CCDC167: variants seen among roughly 807,000 people sequenced by gnomAD.
The protein encoded by CCDC167 is coiled-coil domain containing 167.
A neutral mutation model predicts 12.7 loss-of-function variants in CCDC167; 15 were observed. That is an observed-to-expected ratio of 1.18 (90% CI 0.79 to 1.81). CCDC167 has a LOEUF of 1.81. CCDC167 is among the 40% of genes most tolerant of loss of function. The pLI is 0.00. For missense variants in CCDC167, 121 were observed against 120.1 expected (o/e 1.01, Z -0.03); for synonymous variants, 52 against 49.0 (o/e 1.06, Z -0.26).
At chr6:37,493,418 T>C (rs1290487222) in intron 1 of CCDC167, among the ~76,000 whole-genome samples, 3 of 152,222 alleles carry the variant, frequency 2.0e-5, no homozygotes, top group Non-Finnish European at 4.4e-5. Flanking sequence ...CCGAGCCTTA[T>C]GAATTCATTA....
Position 37,485,195 on chromosome 6 carries a change from C to T in CCDC167, c.43-1G>A. Reference sequence around the variant, plus strand: ...ACAGCTTCTCCTCTAGCCCATCGATCTGAAACAAAGGCCACAGAGAGGTGG... The same window carrying T: ...ACAGCTTCTCCTCTAGCCCATCGATTTGAAACAAAGGCCACAGAGAGGTGG... On this transcript the variant is annotated splice_acceptor_variant, in intron 1 of 3. Coordinates refer to ENST00000373408, the MANE Select transcript of CCDC167 (RefSeq NM_138493.3). LOFTEE classifies it high-confidence loss of function. 1 of 1,612,352 alleles carries T rather than the reference C, an allele frequency of 6.2e-7. No individual in the cohort carries two copies. The highest frequency in any genetic ancestry group is 8.5e-7 in the Non-Finnish European group (1 of 1,179,420).
intron 1 of CCDC167, among the ~76,000 whole-genome samples, chr6:37,495,022 A>G (rs1457691177): frequency 6.6e-6 from 1 of 151,518 alleles, no homozygotes; most frequent in African/African-American, 2.4e-5. Flanking sequence ...CTGGTCTCGA[A>G]CTCCTGACCT....
chr6:37,487,813 A>G (rs1761967602), intron 1 of CCDC167, among the ~76,000 whole-genome samples: 1 of 152,252 alleles, frequency 6.6e-6, no homozygotes, highest in African/African-American at 2.4e-5. Flanking sequence ...TATCTGAACA[A>G]GCCCAATTTA....
chr6:37,492,282 C>T (rs976744966), intron 1 of CCDC167, among the ~76,000 whole-genome samples: 4 of 152,198 alleles, frequency 2.6e-5, no homozygotes, highest in Non-Finnish European at 4.4e-5. Flanking sequence ...AGTCATTCCA[C>T]ATCCCAGCTG....
intron 2 of CCDC167, 67 bp from the exon 3 acceptor site, chr6:37,484,929 A>C: frequency 1.3e-6 from 2 of 1,598,386 alleles, no homozygotes; most frequent in Non-Finnish European, 1.7e-6. Context: ...GGCAGCTGGC[A>C]TGCCAGTTGG....
intron 1 of CCDC167, among the ~76,000 whole-genome samples, chr6:37,498,500 G>GGT (rs1227524741): frequency 6.8e-6 from 1 of 147,066 alleles, no homozygotes; most frequent in Admixed American, 7.1e-5. Context: ...ATCACCATGG[G>GGT]GTGTGTGTGG....
chr6:37,487,832 T>C (rs1227868668), intron 1 of CCDC167, among the ~76,000 whole-genome samples: 2 of 152,262 alleles, frequency 1.3e-5, no homozygotes, highest in African/African-American at 4.8e-5. Flanking sequence ...TATCTGCAGT[T>C]CCACTGAATA....
chr6:37,497,881 TA>T (rs1434377117), intron 1 of CCDC167, among the ~76,000 whole-genome samples: 2 of 151,016 alleles, frequency 1.3e-5, no homozygotes, highest in African/African-American at 2.4e-5. Context: ...GAAATACCAA[TA>T]AAAAACATGA....
intron 1 of CCDC167, among the ~76,000 whole-genome samples, chr6:37,488,276 T>G (rs1461789356): frequency 6.6e-6 from 1 of 152,136 alleles, no homozygotes; most frequent in African/African-American, 2.4e-5. Context: ...GAGTGGTGGC[T>G]ACAGAGCAGA....
chr6:37,498,559 T>C (rs1207461924), intron 1 of CCDC167, among the ~76,000 whole-genome samples: 3 of 150,710 alleles, frequency 2.0e-5, no homozygotes, highest in African/African-American at 7.3e-5. Flanking sequence ...TGGTGGCTCA[T>C]GCCTGTAATC....
chr6:37,494,925 G>A (rs1391756757), intron 1 of CCDC167, among the ~76,000 whole-genome samples: 5 of 149,002 alleles, frequency 3.4e-5, no homozygotes, highest in African/African-American at 5.0e-5. Flanking sequence ...TCAGCCTCCC[G>A]AGTAGCTGGG....
In CCDC167 at chr6:37,483,124, C is replaced by A; in HGVS notation, c.*62G>T. On this transcript the variant is annotated 3_prime_UTR_variant, in exon 4 of 4. Coordinates refer to ENST00000373408, the MANE Select transcript of CCDC167 (RefSeq NM_138493.3). Reference sequence around the variant, plus strand: ...TTGGTCCTATTGAGGCTTGAAGTGCCTGCTTGATCCTGATCAAGGGGCCAA... The same window carrying A: ...TTGGTCCTATTGAGGCTTGAAGTGCATGCTTGATCCTGATCAAGGGGCCAA... 1 of 1,297,036 alleles carries A rather than the reference C, an allele frequency of 7.7e-7. No homozygotes were observed. The highest frequency in any genetic ancestry group is 1.2e-5 in the South Asian group (1 of 84,502). The allele number at this position is 1,297,036 out of a possible 1,614,324, so 80.3% of individuals were successfully genotyped here.
chr6:37,483,160 G>T lies in CCDC167; in HGVS notation c.*26C>A. On this transcript the variant is annotated 3_prime_UTR_variant, in exon 4 of 4. Coordinates refer to ENST00000373408, the MANE Select transcript of CCDC167 (RefSeq NM_138493.3). ...TGATCAAGGGGCCAAGTGGAAGCCT[G>T]TGCTGGTTGTGGGGAAGTGCCAGGC... The T allele has an allele frequency of 1.3e-6, 2 of 1,566,210 alleles. No homozygotes were observed. Among genetic ancestry groups the T allele is most frequent in the Non-Finnish European group, 1.8e-6 (2 of 1,136,344 alleles).
intron 1 of CCDC167, among the ~76,000 whole-genome samples, chr6:37,486,460 C>A (rs1217900115): frequency 6.6e-6 from 1 of 152,176 alleles, no homozygotes; most frequent in Non-Finnish European, 1.5e-5. Flanking sequence ...CATTCCAAGT[C>A]TCTGGGCCTT....
chr6:37,496,959 T>G (rs915940377), intron 1 of CCDC167, among the ~76,000 whole-genome samples: 5 of 152,174 alleles, frequency 3.3e-5, no homozygotes, highest in African/African-American at 1.2e-4. Flanking sequence ...GGTGGACACA[T>G]CAGTGGGGTA....
At chr6:37,494,437 AG>A (rs1176815705) in intron 1 of CCDC167, among the ~76,000 whole-genome samples, 1 of 152,182 alleles carries the variant, frequency 6.6e-6, no homozygotes, top group Non-Finnish European at 1.5e-5. Context: ...TCCTTACAGC[AG>A]ATACTGTCAA....
intron 1 of CCDC167, among the ~76,000 whole-genome samples, chr6:37,487,704 C>T (rs1383028925): frequency 6.6e-6 from 1 of 152,186 alleles, no homozygotes; most frequent in Non-Finnish European, 1.5e-5. Context: ...TCATGCTAAG[C>T]AAAATCTTAA....
At chr6:37,489,929 G>A (rs1347302670) in intron 1 of CCDC167, among the ~76,000 whole-genome samples, 2 of 152,234 alleles carry the variant, frequency 1.3e-5, no homozygotes, top group South Asian at 2.1e-4. Flanking sequence ...AGACGGCACA[G>A]TGTGGGGGCA....
chr6:37,498,696 G>C (rs1157628209), intron 1 of CCDC167, among the ~76,000 whole-genome samples: 1 of 151,884 alleles, frequency 6.6e-6, no homozygotes, highest in Non-Finnish European at 1.5e-5. Context: ...ATGGTGGCAC[G>C]TGCCTGTAAT....
Sources: allele counts gnomAD v4.1 joint callset (sites outside exome capture counted in the v4.1 genomes callset), GRCh38; gene constraint gnomAD v4.1.1; transcripts MANE v1.5; gene names NCBI Gene and HGNC (gene_info 2026-07-23, HGNC 2026-07-21).